Variants in DYM observed in about 807,000 individuals in gnomAD.
DYM encodes the protein dyggve-Melchior-Clausen syndrome protein.
In DYM, 78 loss-of-function variants were observed where a neutral mutation model predicts 93.1. The observed-to-expected ratio is 0.84, with a 90% confidence interval of 0.70 to 1.01. The LOEUF is 1.01. Ranked by LOEUF, DYM falls within the 50% of genes least tolerant of loss-of-function variation. The pLI is 0.00. For missense variants in DYM, 789 were observed against 845.0 expected (o/e 0.93, Z 0.82); for synonymous variants, 321 against 319.7 (o/e 1.00, Z -0.04).
chr18:49,238,684 A>G (rs1256518494), intron 13 of DYM, among the ~76,000 whole-genome samples: 1 of 151,954 alleles, frequency 6.6e-6, no homozygotes, highest in East Asian at 1.9e-4. Flanking sequence ...GCATCTCCCT[A>G]TCAAATTTCC....
intron 16 of DYM, among the ~76,000 whole-genome samples, chr18:49,111,070 G>A (rs886939603): frequency 6.6e-6 from 1 of 152,000 alleles, no homozygotes; most frequent in East Asian, 1.9e-4. Flanking sequence ...CTCTGGAACT[G>A]TTTATATATG....
At chr18:49,048,968 A>T (rs2144275526) in intron 17 of DYM, among the ~76,000 whole-genome samples, 1 of 152,350 alleles carries the variant, frequency 6.6e-6, no homozygotes, top group East Asian at 1.9e-4. Context: ...GGCTGGTAGT[A>T]ACTATGGCTT....
At chr18:49,168,219 C>T (rs1323689748) in intron 14 of DYM, among the ~76,000 whole-genome samples, 1 of 151,134 alleles carries the variant, frequency 6.6e-6, no homozygotes, top group Non-Finnish European at 1.5e-5. Context: ...AGTACTCCCT[C>T]TCTCTCTATA....
rs2082134889 is a variant in DYM at position 49,118,814 on chromosome 18, T to C, written c.1841A>G (p.Tyr614Cys). 1 of 1,614,150 alleles carries C rather than the reference T, an allele frequency of 6.2e-7. No homozygotes were observed. Among genetic ancestry groups the C allele is most frequent in the South Asian group, 1.1e-5 (1 of 91,082 alleles). ...AAATTGTTCAAAGAGATCGCGTTTG[T>C]AAAGCAGGGCGTATACCAAGTTTGG... ...HNPNLVYALLYKRDLFEQFRT... is the reference protein window; with the variant it reads ...HNPNLVYALLCKRDLFEQFRT... The change falls in exon 16 of 18, where the codon TAC (tyrosine) becomes TGC (cysteine). Residue 614 changes from tyrosine to cysteine, a missense_variant. Coordinates refer to ENST00000675505, the MANE Select transcript of DYM (RefSeq NM_001353214.3).
chr18:49,266,013 A>C (rs1034723034), intron 11 of DYM, among the ~76,000 whole-genome samples: 1 of 152,120 alleles, frequency 6.6e-6, no homozygotes, highest in Non-Finnish European at 1.5e-5. Context: ...AAAAATAATT[A>C]GCCAGGTGTG....
At chr18:49,427,522 A>C (rs1370267553) in intron 2 of DYM, among the ~76,000 whole-genome samples, 2 of 152,180 alleles carry the variant, frequency 1.3e-5, no homozygotes, top group Admixed American at 6.5e-5. Context: ...AAAAATTTAA[A>C]TATGAACTGG....
chr18:49,126,029 T>C (rs1355011654), intron 15 of DYM: 1 of 152,244 alleles, frequency 6.6e-6, no homozygotes, highest in African/African-American at 2.4e-5. Context: ...TGATCATAGA[T>C]GTAATGCTGT....
chr18:49,168,309 T>C (rs1261542833), intron 14 of DYM, among the ~76,000 whole-genome samples: 1 of 152,214 alleles, frequency 6.6e-6, no homozygotes, highest in East Asian at 1.9e-4. Flanking sequence ...GAGTGGTATA[T>C]TGCTCTATTT....
chr18:49,062,539 T>C lies in DYM; in HGVS notation c.2026-18335A>G, dbSNP rs555102125. Among the ~76,000 whole-genome samples the C allele has an allele frequency of 2.0e-4, 30 of 152,314 alleles. No individual in the cohort carries two copies. The South Asian group carries it at 5.8e-3, about 29-fold the overall frequency. ...CAGGGAAAACCACGAGCCCTTAAGA[T>C]TCCCGAGACAAGAGTTAAAGTGGAC... On this transcript the variant is annotated intron_variant, in intron 17 of 17. Transcript: ENST00000675505.
At chr18:49,330,005 G>A (rs534595426) in intron 8 of DYM, among the ~76,000 whole-genome samples, 1 of 152,264 alleles carries the variant, frequency 6.6e-6, no homozygotes, top group South Asian at 2.1e-4. Context: ...CTGGAATGTG[G>A]ATTAACTTAA....
chr18:49,147,507 AC>A (rs751104413), intron 15 of DYM, among the ~76,000 whole-genome samples: 42 of 152,356 alleles, frequency 2.8e-4, no homozygotes, highest in Non-Finnish European at 4.9e-4. Context: ...CAAGAAAAAA[AC>A]ATCCCCATGA....
In DYM at chr18:49,379,765, G is replaced by T; in HGVS notation, c.194-7C>A. On this transcript the variant is annotated splice_polypyrimidine_tract_variant and splice_region_variant and intron_variant, in intron 3 of 17. Transcript: ENST00000675505. ...GTTCGAGGATTGTTTTCAACTGCAA[G>T]AGAAGAAAAGGTTTTAAAAAGTTAA... The T allele has an allele frequency of 6.2e-7, 1 of 1,605,292 alleles. No individual in the cohort carries two copies. Among genetic ancestry groups the T allele is most frequent in the Non-Finnish European group, 8.5e-7 (1 of 1,172,334 alleles).
At chr18:49,086,396 G>A (rs191005317) in intron 17 of DYM, among the ~76,000 whole-genome samples, 4 of 152,218 alleles carry the variant, frequency 2.6e-5, no homozygotes, top group East Asian at 1.9e-4. Flanking sequence ...TCCATTAGCC[G>A]TTACTCCATG....
chr18:49,399,699 T>C (rs2070543730), intron 2 of DYM, among the ~76,000 whole-genome samples: 2 of 152,014 alleles, frequency 1.3e-5, no homozygotes, highest in Admixed American at 1.3e-4. Context: ...CAGTTGCTTG[T>C]CTATGGCCCC....
intron 8 of DYM, among the ~76,000 whole-genome samples, chr18:49,298,708 G>A (rs1222398858): frequency 6.6e-6 from 1 of 151,396 alleles, no homozygotes; most frequent in Non-Finnish European, 1.5e-5. Context: ...CCAAAAAGTT[G>A]AAAAAAATCC....
chr18:49,248,778 A>C (rs952782374), intron 13 of DYM, among the ~76,000 whole-genome samples: 1 of 152,188 alleles, frequency 6.6e-6, no homozygotes, highest in African/African-American at 2.4e-5. Flanking sequence ...CAAGGATTAG[A>C]TATAAAAAAT....
intron 1 of DYM, among the ~76,000 whole-genome samples, chr18:49,446,727 A>C (rs1486980069): frequency 1.3e-5 from 2 of 152,174 alleles, no homozygotes; most frequent in Non-Finnish European, 2.9e-5. Flanking sequence ...GCAACTATTC[A>C]AGCTTCCAAG....
At chr18:49,298,114 G>A (rs1439625710) in intron 8 of DYM, among the ~76,000 whole-genome samples, 1 of 152,058 alleles carries the variant, frequency 6.6e-6, no homozygotes, top group East Asian at 1.9e-4. Context: ...ACAGATTTGA[G>A]TCAAATTCAA....
At chr18:49,062,727 G>A (rs534827345) in intron 17 of DYM, among the ~76,000 whole-genome samples, 27 of 152,352 alleles carry the variant, frequency 1.8e-4, no homozygotes, top group Non-Finnish European at 2.8e-4. Flanking sequence ...AGGGCTAACG[G>A]TTCCAGCTTA....
Sources: allele counts gnomAD v4.1 joint callset (sites outside exome capture counted in the v4.1 genomes callset), GRCh38; gene constraint gnomAD v4.1.1; transcripts MANE v1.5; gene names NCBI Gene and HGNC (gene_info 2026-07-23, HGNC 2026-07-21).